The following GABRB1 variants were observed in gnomAD, a reference collection of about 807,000 sequenced individuals.
The protein encoded by GABRB1 is gamma-aminobutyric acid receptor subunit beta-1.
In GABRB1, 17 loss-of-function variants were observed where a neutral mutation model predicts 51.6. The ratio of observed to expected loss-of-function variants is 0.33; its 90% CI spans 0.23 to 0.49. The LOEUF (loss-of-function observed/expected upper bound fraction) is 0.49. Among genes scored for constraint, GABRB1 ranks in the 20% least tolerant of loss-of-function variants. The pLI is 0.99. For missense variants in GABRB1, 410 were observed against 600.6 expected (o/e 0.68, Z 3.32); for synonymous variants, 247 against 218.9 (o/e 1.13, Z -1.14).
chr4:47,009,025 G>T (rs556452316), intron 1 of GABRB1, among the ~76,000 whole-genome samples: 53 of 147,568 alleles, frequency 3.6e-4, no homozygotes, highest in Admixed American at 8.1e-4. Flanking sequence ...CACCACGCCC[G>T]GCTAATTTTT....
chr4:47,144,394 A>G (rs2109699919), intron 3 of GABRB1, among the ~76,000 whole-genome samples: 1 of 152,078 alleles, frequency 6.6e-6, no homozygotes, highest in Middle Eastern at 3.4e-3. Context: ...TATGTACAAA[A>G]AAATGTAGCT....
chr4:47,145,062 G>T (rs1375590805), intron 3 of GABRB1, among the ~76,000 whole-genome samples: 1 of 151,048 alleles, frequency 6.6e-6, no homozygotes, highest in Non-Finnish European at 1.5e-5. Context: ...TGACCTTCAA[G>T]AACAGAAAAA....
chr4:47,130,182 T>C (rs998731548), intron 3 of GABRB1, among the ~76,000 whole-genome samples: 16 of 152,298 alleles, frequency 1.1e-4, no homozygotes, highest in Admixed American at 8.5e-4. Flanking sequence ...CATGTCACTC[T>C]CCTGCTTAAA....
chr4:47,365,954 T>C (rs1726966546), intron 5 of GABRB1, among the ~76,000 whole-genome samples: 1 of 152,232 alleles, frequency 6.6e-6, no homozygotes, highest in South Asian at 2.1e-4. Context: ...TCCTGAGAGT[T>C]GTAAATAGCC....
chr4:47,327,984 C>T (rs1394841462), intron 5 of GABRB1, among the ~76,000 whole-genome samples: 1 of 152,110 alleles, frequency 6.6e-6, no homozygotes, highest in Admixed American at 6.6e-5. Context: ...TGTTTCCTGC[C>T]TTTTTAATGA....
At chr4:47,002,279 A>G (rs1724255077) in intron 1 of GABRB1, among the ~76,000 whole-genome samples, 1 of 152,234 alleles carries the variant, frequency 6.6e-6, no homozygotes, top group Admixed American at 6.5e-5. Flanking sequence ...TTGGGTAAAA[A>G]AGTAGTGAGT....
In GABRB1 at chr4:47,134,216, A is replaced by G. The variant is rs190545480; in HGVS notation, c.241-27033A>G. 3.9e-5 allele frequency among the ~76,000 whole-genome samples: 6 copies of G among 152,324 alleles called. No individual in the cohort carries two copies. In the East Asian group the frequency reaches 1.2e-3, roughly 29 times the overall value. Reference sequence around the variant, plus strand: ...TCTAGTTGTACTCCACTGAATCATTACAAAGCTGAAAATAAAGGTTATGCT... The same window carrying G: ...TCTAGTTGTACTCCACTGAATCATTGCAAAGCTGAAAATAAAGGTTATGCT... On this transcript the variant is annotated intron_variant, in intron 3 of 8. Coordinates refer to ENST00000295454, the MANE Select transcript of GABRB1 (RefSeq NM_000812.4).
intron 3 of GABRB1, among the ~76,000 whole-genome samples, chr4:47,134,179 C>T (rs4501194): frequency 0.9 from 136,672 of 152,148 alleles, 61,464 homozygotes; most frequent in South Asian, 0.93. Context: ...AAAAGGTTGG[C>T]AATTAGTTGT....
At chr4:47,119,147 T>C (rs9997149) in intron 3 of GABRB1, among the ~76,000 whole-genome samples, 2,283 of 152,180 alleles carry the variant, frequency 0.015, 50 homozygotes, top group African/African-American at 0.052. Context: ...CACATGGAAA[T>C]TTGGCATAGA....
chr4:47,001,173 C>T (rs532535986), intron 1 of GABRB1, among the ~76,000 whole-genome samples: 7 of 152,202 alleles, frequency 4.6e-5, no homozygotes, highest in South Asian at 4.1e-4. Flanking sequence ...GATGGAGTCT[C>T]GCTCTGTCGC....
At chr4:47,178,196 G>A (rs2351300) in intron 4 of GABRB1, among the ~76,000 whole-genome samples, 21,035 of 151,940 alleles carry the variant, frequency 0.14, 1,902 homozygotes, top group East Asian at 0.32. Context: ...AAATGCATTC[G>A]GAATGAGTAG....
rs539606535 is a variant in GABRB1, at chr4:47,001,357, T to A, written c.-20+7431T>A. ...TGTGGTTTCACCGTGTTAGCCAGGATGGTCTGAATCTCCTGACCTCGTGAT... is the reference window on the plus strand; with the variant it reads ...TGTGGTTTCACCGTGTTAGCCAGGAAGGTCTGAATCTCCTGACCTCGTGAT... On this transcript the variant is annotated intron_variant, in intron 1 of 3. Transcript: ENST00000513567. Among the ~76,000 whole-genome samples, 466 of 152,204 alleles carry A rather than the reference T, an allele frequency of 3.1e-3. 2 individuals are homozygous for A. Among genetic ancestry groups the A allele is most frequent in the Middle Eastern group, 0.01 (3 of 294 alleles).
intron 4 of GABRB1, among the ~76,000 whole-genome samples, chr4:47,312,335 A>T (rs1724722061): frequency 1.3e-5 from 2 of 152,122 alleles, no homozygotes; most frequent in African/African-American, 4.8e-5. Flanking sequence ...TTTTCTAAAC[A>T]GACTAGCCAA....
chr4:47,103,252 A>G (rs1040651088), intron 3 of GABRB1, among the ~76,000 whole-genome samples: 1 of 152,062 alleles, frequency 6.6e-6, no homozygotes, highest in Non-Finnish European at 1.5e-5. Context: ...TTATATTCTG[A>G]AGTCCTTGTG....
chr4:47,044,299 A>C (rs1285616732), intron 3 of GABRB1, among the ~76,000 whole-genome samples: 1 of 152,052 alleles, frequency 6.6e-6, no homozygotes, highest in East Asian at 1.9e-4. Flanking sequence ...GGCAGTATAC[A>C]CCAACAATCT....
At chr4:47,121,466 GC>G (rs1490834115) in intron 3 of GABRB1, among the ~76,000 whole-genome samples, 1 of 152,138 alleles carries the variant, frequency 6.6e-6, no homozygotes, top group African/African-American at 2.4e-5. Context: ...TTTAGAAGGT[GC>G]TTTTTTGTGT....
chr4:47,320,836 C>T (rs1224253294), intron 5 of GABRB1, among the ~76,000 whole-genome samples: 1 of 143,000 alleles, frequency 7.0e-6, no homozygotes, highest in Non-Finnish European at 1.5e-5. Context: ...GTGGCGCCAT[C>T]TCCGCTCACC....
intron 3 of GABRB1, among the ~76,000 whole-genome samples, chr4:47,033,693 G>T (rs1036523150): frequency 3.3e-5 from 5 of 151,994 alleles, no homozygotes; most frequent in Non-Finnish European, 7.4e-5. Context: ...GGTTATGTTA[G>T]GGTCGAAATA....
At chr4:47,414,006 G>A (rs750442792) in intron 8 of GABRB1, among the ~76,000 whole-genome samples, 38 of 152,090 alleles carry the variant, frequency 2.5e-4, no homozygotes, top group African/African-American at 6.5e-4. Flanking sequence ...ACTTTTATAC[G>A]CATCTGGAAC....
Sources: gnomAD v4.1 joint callset for allele counts (sites outside exome capture counted in the v4.1 genomes callset) on GRCh38, gnomAD v4.1.1 for gene constraint, MANE v1.5 for transcripts, NCBI Gene and HGNC (gene_info 2026-07-23, HGNC 2026-07-21) for gene names.